RAC2: variants seen among roughly 807,000 people sequenced by gnomAD.
RAC2 encodes the protein ras-related C3 botulinum toxin substrate 2.
In RAC2, 1 loss-of-function variant was observed where a neutral mutation model predicts 24.0. The ratio of observed to expected loss-of-function variants is 0.04; its 90% confidence interval spans 0.01 to 0.20. RAC2 has a LOEUF of 0.20. Among genes scored for constraint, RAC2 ranks in the 10% least tolerant of loss-of-function variants. The probability of loss-of-function intolerance (pLI) is 1.00; values close to 1 mark genes in which losing one functional copy is unlikely to be tolerated. For missense variants in RAC2, 130 were observed against 259.1 expected (o/e 0.50, Z 3.42); for synonymous variants, 114 against 106.8 (o/e 1.07, Z -0.41).
chr22:37,234,841 C>T (rs1927175605), intron 2 of RAC2, among the ~76,000 whole-genome samples: 1 of 152,204 alleles, frequency 6.6e-6, no homozygotes, highest in South Asian at 2.1e-4. Context: ...CCCCATTTCA[C>T]TCCCAACTTC....
chr22:37,238,181 C>T (rs957420748), intron 2 of RAC2, among the ~76,000 whole-genome samples: 3 of 151,994 alleles, frequency 2.0e-5, no homozygotes, highest in Non-Finnish European at 4.4e-5. Context: ...GTGAAGGGAG[C>T]CACAGGAGAG....
At chr22:37,241,823 G>C (rs961016315) in intron 1 of RAC2, among the ~76,000 whole-genome samples, 165 bp from the exon 2 acceptor site, 1 of 152,198 alleles carries the variant, frequency 6.6e-6, no homozygotes, top group Non-Finnish European at 1.5e-5. Flanking sequence ...TCACACCCGA[G>C]AGCCTGCAAG....
chr22:37,234,073 C>G (rs1047128598), intron 2 of RAC2, among the ~76,000 whole-genome samples: 2 of 152,080 alleles, frequency 1.3e-5, no homozygotes, highest in African/African-American at 4.8e-5. Flanking sequence ...CCCTGCAGGG[C>G]CATCGAACGA....
At chr22:37,237,463 A>G (rs772323934) in intron 2 of RAC2, among the ~76,000 whole-genome samples, 18 of 152,098 alleles carry the variant, frequency 1.2e-4, no homozygotes, top group South Asian at 2.1e-4. Flanking sequence ...GCCACTGGAC[A>G]TCATGAGGCA....
intron 2 of RAC2, among the ~76,000 whole-genome samples, chr22:37,235,576 G>A (rs768339189): frequency 6.6e-6 from 1 of 152,202 alleles, no homozygotes; most frequent in Non-Finnish European, 1.5e-5. Flanking sequence ...GGGCCAGCCC[G>A]CGGTCTGGTG....
chr22:37,228,555 C>T (rs1019965978), intron 5 of RAC2, among the ~76,000 whole-genome samples: 2 of 152,246 alleles, frequency 1.3e-5, no homozygotes, highest in African/African-American at 4.8e-5. Context: ...CGCCAAAGCC[C>T]GCTTGCTTCT....
chr22:37,233,314 G>A (rs1210305261), intron 2 of RAC2, among the ~76,000 whole-genome samples: 2 of 151,942 alleles, frequency 1.3e-5, no homozygotes, highest in Admixed American at 6.6e-5. Flanking sequence ...ATGGAATCAC[G>A]CTCTGTCGCC....
Position 37,232,861 on chromosome 22 carries a change from C to A in RAC2, c.165G>T (p.Leu55=). 6.2e-7 allele frequency: 1 copy of A among 1,614,128 alleles called. No homozygotes were observed. The highest frequency in any genetic ancestry group is 8.5e-7 in the Non-Finnish European group (1 of 1,180,030). Reference sequence around the variant, plus strand: ...AGTCCTCCTGCCCAGCAGTGTCCCACAGCCCCAGGTTCACTGGCTTGCTGT... The same window carrying A: ...AGTCCTCCTGCCCAGCAGTGTCCCAAAGCCCCAGGTTCACTGGCTTGCTGT... The part of the protein sequence containing the change: ...MVDSKPVNLG[L]WDTAGQEDYD... The change falls in exon 3 of 7, where the codon CTG becomes CTT. Residue 55 remains leucine (L), a synonymous_variant. Transcript: ENST00000249071.
chr22:37,228,171 G>A (rs563452968), intron 5 of RAC2, among the ~76,000 whole-genome samples: 74 of 152,302 alleles, frequency 4.9e-4, no homozygotes, highest in African/African-American at 1.5e-3. Flanking sequence ...GAGAGTATGC[G>A]ACTCATCCAA....
intron 2 of RAC2, among the ~76,000 whole-genome samples, chr22:37,233,668 G>C (rs1370843403): frequency 3.3e-5 from 5 of 152,202 alleles, no homozygotes; most frequent in Non-Finnish European, 7.3e-5. Flanking sequence ...TGATGTGAGG[G>C]GTTTATTCGG....
Position 37,226,008 on chromosome 22 carries a change from G to C in RAC2, c.*34C>G, listed in dbSNP as rs2145818850. 1 of 154,312 alleles carries C rather than the reference G, an allele frequency of 6.5e-6. No homozygotes were observed. Among genetic ancestry groups the C allele is most frequent in the Middle Eastern group, 3.4e-3 (1 of 294 alleles). The allele number at this position is 154,312 out of a possible 1,614,324, so 9.6% of individuals were successfully genotyped here. A position where few individuals can be genotyped will look rare whatever the true frequency, so the allele number is the denominator to read the frequency against. On this transcript the variant is annotated 3_prime_UTR_variant, in exon 7 of 7. Coordinates refer to ENST00000249071, the MANE Select transcript of RAC2 (RefSeq NM_002872.5). ...TTTGGGTGGGGATCCTGGAGGATCA[G>C]ACCCATCTAGGTGGGAGCGCTGGGG...
intron 1 of RAC2, 102 bp from the exon 2 acceptor site, chr22:37,241,760 C>T (rs1450454859): frequency 5.6e-6 from 6 of 1,073,536 alleles, no homozygotes; most frequent in Non-Finnish European, 8.6e-6. Flanking sequence ...ATCCACCCAG[C>T]CTAGCCCTCT....
At chr22:37,238,611 C>A (rs186422084) in intron 2 of RAC2, among the ~76,000 whole-genome samples, 2 of 152,178 alleles carry the variant, frequency 1.3e-5, no homozygotes, top group African/African-American at 2.4e-5. Context: ...TGTAAGGGGG[C>A]GCCCCTCTAT....
chr22:37,242,686 T>C (rs1927441093), intron 1 of RAC2, among the ~76,000 whole-genome samples: 1 of 152,082 alleles, frequency 6.6e-6, no homozygotes. Flanking sequence ...CCTCCTCCGA[T>C]CAGATACAAA....
At chr22:37,232,390 T>G (rs1201273486) in intron 3 of RAC2, 2 of 417,382 alleles carry the variant, frequency 4.8e-6, no homozygotes, top group Non-Finnish European at 9.0e-6. Flanking sequence ...ATTACCGGCC[T>G]TAGCCGCCTC....
rs377530680 is a variant in RAC2 at position 37,231,442 on chromosome 22, G to A, written c.289-52C>T. ...GGTTGTATGGGTCAAGAGGGGGCGC[G>A]AGGCTGTGCGGGGATCAGAGGGAGT... On this transcript the variant is annotated intron_variant, in intron 4 of 6. Transcript: ENST00000249071. The surrounding 1 kb of genome is among the most constrained non-coding windows in gnomAD (Gnocchi z 5.5). 220 of 1,566,884 alleles carry A rather than the reference G, an allele frequency of 1.4e-4. 1 individual carries two copies. The highest frequency in any genetic ancestry group is 2.0e-4 in the South Asian group (18 of 90,184).
chr22:37,238,648 T>C (rs982883073), intron 2 of RAC2, among the ~76,000 whole-genome samples: 1 of 152,184 alleles, frequency 6.6e-6, no homozygotes, highest in East Asian at 1.9e-4. Flanking sequence ...GGCACTGTCT[T>C]CCTGCCATGT....
At chr22:37,239,774 G>A (rs532411617) in intron 2 of RAC2, among the ~76,000 whole-genome samples, 1 of 152,318 alleles carries the variant, frequency 6.6e-6, no homozygotes, top group South Asian at 2.1e-4. Flanking sequence ...CAGAGACCCA[G>A]GGACAGAGGC....
intron 2 of RAC2, chr22:37,241,173 A>G (rs372431493): frequency 2.6e-6 from 2 of 778,080 alleles, no homozygotes; most frequent in Non-Finnish European, 4.8e-6. Flanking sequence ...AGGCCTGCAG[A>G]CAGCTCTGTT....
Sources: allele counts gnomAD v4.1 joint callset (sites outside exome capture counted in the v4.1 genomes callset), GRCh38; gene constraint gnomAD v4.1.1; non-coding constraint Gnocchi (gnomAD v3.1); transcripts MANE v1.5; gene names NCBI Gene and HGNC (gene_info 2026-07-23, HGNC 2026-07-21).